The following DIS3L2 variants were observed in gnomAD, a reference collection of about 807,000 sequenced individuals.
DIS3L2 encodes DIS3-like exonuclease 2.
In DIS3L2, 34 loss-of-function variants were observed where a neutral mutation model predicts 97.5. The ratio of observed to expected loss-of-function variants is 0.35; its 90% CI spans 0.27 to 0.46. The LOEUF is 0.46. Among genes scored for constraint, DIS3L2 ranks in the 20% least tolerant of loss-of-function variants. DIS3L2 has a pLI of 1.00. For synonymous variants in DIS3L2, 435 were observed against 445.2 expected, an observed-to-expected ratio of 0.98 and a Z score of 0.29; for missense variants, 1,038 against 1,146.0, an observed-to-expected ratio of 0.91 and a Z score of 1.36.
intron 11 of DIS3L2, among the ~76,000 whole-genome samples, chr2:232,248,864 C>T (rs1204092999): frequency 6.6e-6 from 1 of 152,256 alleles, no homozygotes; most frequent in African/African-American, 2.4e-5. Context: ...CCAGAGTTTA[C>T]ACTCAACCCT....
intron 5 of DIS3L2, among the ~76,000 whole-genome samples, chr2:232,047,842 G>T (rs917425602): frequency 2.0e-5 from 3 of 152,154 alleles, no homozygotes; most frequent in East Asian, 3.8e-4. Flanking sequence ...TTGTGTTTGT[G>T]TTCCTTCACT....
rs543299125 is a variant in DIS3L2, at chr2:232,324,713, G to A, written c.1740-5100G>A. On this transcript the variant is annotated intron_variant, in intron 14 of 20. Transcript: ENST00000325385. ...TGCTTTTACTGTGTTTTTTGCCCAA[G>A]TCCTAGAGTTGGGGCACCCAGGCCA... 7.0e-4 allele frequency among the ~76,000 whole-genome samples: 106 copies of A among 152,284 alleles called. 1 individual carries two copies. Among genetic ancestry groups the A allele is most frequent in the African/African-American group, 2.4e-3 (101 of 41,564 alleles).
At chr2:232,314,970 G>C (rs1695230221) in intron 14 of DIS3L2, among the ~76,000 whole-genome samples, 1 of 152,156 alleles carries the variant, frequency 6.6e-6, no homozygotes, top group Non-Finnish European at 1.5e-5. Flanking sequence ...TTCTCTCTCT[G>C]CCTCTCTGGG....
chr2:232,200,640 G>GGA (rs1691866910), intron 9 of DIS3L2, among the ~76,000 whole-genome samples: 2 of 151,898 alleles, frequency 1.3e-5, no homozygotes, highest in African/African-American at 4.8e-5. Flanking sequence ...ATTGGGGGCA[G>GGA]GAAAAAACTT....
chr2:232,244,102 C>G (rs917261442), intron 11 of DIS3L2, among the ~76,000 whole-genome samples: 2 of 152,198 alleles, frequency 1.3e-5, no homozygotes, highest in African/African-American at 4.8e-5. Context: ...ATTTCTACTT[C>G]AGAATTGTCA....
intron 5 of DIS3L2, among the ~76,000 whole-genome samples, chr2:232,060,980 T>C (rs1695687548): frequency 6.6e-6 from 1 of 151,900 alleles, no homozygotes; most frequent in Admixed American, 6.6e-5. Context: ...CATAGAGAAA[T>C]GCTGCTGTAT....
intron 12 of DIS3L2, chr2:232,260,066 A>G (rs541565631): frequency 6.6e-6 from 1 of 152,386 alleles, no homozygotes; most frequent in Admixed American, 6.5e-5. Flanking sequence ...GAGGCTGCAG[A>G]CCCTGTGACC....
chr2:232,287,379 T>TC (rs1245759685), intron 13 of DIS3L2, among the ~76,000 whole-genome samples: 45 of 19,266 alleles, frequency 2.3e-3, no homozygotes, highest in Non-Finnish European at 2.5e-3. Context: ...ATCCTTTCCT[T>TC]CCCCCCGCGC....
chr2:232,011,357 C>CTT (rs922510920), intron 1 of DIS3L2, among the ~76,000 whole-genome samples: 1 of 144,186 alleles, frequency 6.9e-6, no homozygotes, highest in Non-Finnish European at 1.5e-5. Flanking sequence ...CATTTTCTTT[C>CTT]TTTTTTTTTT....
intron 10 of DIS3L2, among the ~76,000 whole-genome samples, chr2:232,225,702 T>C (rs1244117609): frequency 2.0e-5 from 3 of 152,206 alleles, no homozygotes; most frequent in Non-Finnish European, 4.4e-5. Context: ...AATGCTTGTA[T>C]ACTTTATGTA....
At chr2:232,316,304 A>T (rs1477316638) in intron 14 of DIS3L2, among the ~76,000 whole-genome samples, 1 of 152,002 alleles carries the variant, frequency 6.6e-6, no homozygotes, top group Non-Finnish European at 1.5e-5. Context: ...CTTGTTCCTT[A>T]CGATTATGTC....
intron 6 of DIS3L2, among the ~76,000 whole-genome samples, chr2:232,108,218 C>T (rs1369364229): frequency 6.6e-6 from 1 of 152,164 alleles, no homozygotes; most frequent in Non-Finnish European, 1.5e-5. Flanking sequence ...GCTGGTTCAA[C>T]ATACGCAAAT....
chr2:232,223,911 A>AAAATT, intron 10 of DIS3L2, among the ~76,000 whole-genome samples: 1 of 152,174 alleles, frequency 6.6e-6, no homozygotes, highest in Non-Finnish European at 1.5e-5. Flanking sequence ...AACATGGTGA[A>AAAATT]ACCCCATCTC....
chr2:232,208,967 G>T (rs1397882744), intron 9 of DIS3L2, among the ~76,000 whole-genome samples: 1 of 151,962 alleles, frequency 6.6e-6, no homozygotes, highest in African/African-American at 2.4e-5. Context: ...GGTTGAGGCT[G>T]CAGTGAGCCA....
At chr2:232,082,142 A>G (rs56074085) in intron 5 of DIS3L2, among the ~76,000 whole-genome samples, 1,791 of 152,296 alleles carry the variant, frequency 0.012, 19 homozygotes, top group Non-Finnish European at 0.016. Context: ...GAGAGTACAC[A>G]GGTTTTGAGT....
At chr2:232,080,807 G>A (rs955877090) in intron 5 of DIS3L2, among the ~76,000 whole-genome samples, 12 of 151,418 alleles carry the variant, frequency 7.9e-5, no homozygotes, top group Non-Finnish European at 1.6e-4. Context: ...AGGCTGAAGT[G>A]GGAGGATCTC....
chr2:232,022,705 G>A (rs562748879), intron 3 of DIS3L2, among the ~76,000 whole-genome samples: 133 of 152,344 alleles, frequency 8.7e-4, no homozygotes, highest in African/African-American at 3.0e-3. Context: ...TAAGCTCTGT[G>A]ATGGTAGAGA....
At chr2:232,167,722 C>T (rs377543392) in intron 9 of DIS3L2, among the ~76,000 whole-genome samples, 2 of 152,280 alleles carry the variant, frequency 1.3e-5, no homozygotes, top group Non-Finnish European at 2.9e-5. Flanking sequence ...TTTATAATCT[C>T]CAGTTACTCT....
chr2:232,090,938 C>T (rs868725981), intron 6 of DIS3L2, among the ~76,000 whole-genome samples: 1 of 152,224 alleles, frequency 6.6e-6, no homozygotes, highest in Non-Finnish European at 1.5e-5. Context: ...CCTGTCATTG[C>T]GTTAAGAGAA....
Sources: allele counts gnomAD v4.1 joint callset (sites outside exome capture counted in the v4.1 genomes callset), GRCh38; gene constraint gnomAD v4.1.1; transcripts MANE v1.5; gene names NCBI Gene and HGNC (gene_info 2026-07-23, HGNC 2026-07-21).